The following MCCC2 variants were observed in gnomAD, a reference collection of about 807,000 sequenced individuals.
MCCC2 encodes methylcrotonoyl-CoA carboxylase beta chain, mitochondrial.
Under a neutral mutation model 77.2 loss-of-function variants are expected in MCCC2, and 52 were observed. The observed-to-expected ratio is 0.67, with a 90% CI of 0.54 to 0.85. The LOEUF (loss-of-function observed/expected upper bound fraction) is 0.85. Among genes scored for constraint, MCCC2 ranks in the 40% least tolerant of loss-of-function variants. The pLI is 0.00. For synonymous variants in MCCC2, 253 were observed against 248.4 expected (o/e 1.02, Z -0.18); for missense variants, 682 against 703.2 (o/e 0.97, Z 0.34).
intron 6 of MCCC2, among the ~76,000 whole-genome samples, chr5:71,622,424 A>T (rs557072087): frequency 3.9e-5 from 6 of 152,248 alleles, no homozygotes; most frequent in African/African-American, 1.2e-4. Flanking sequence ...CATTAAAAAA[A>T]TTTTTTTACA....
intron 3 of MCCC2, among the ~76,000 whole-genome samples, chr5:71,598,323 C>T (rs1011702594): frequency 2.0e-5 from 3 of 152,030 alleles, no homozygotes; most frequent in African/African-American, 7.2e-5. Flanking sequence ...CCCACCTTGG[C>T]CTCCCAAAGT....
intron 10 of MCCC2, chr5:71,635,846 G>C (rs1264875961): frequency 6.1e-6 from 1 of 162,770 alleles, no homozygotes; most frequent in Non-Finnish European, 1.3e-5. Flanking sequence ...TTCTGTACTG[G>C]AAGTTTTAAT....
intron 6 of MCCC2, among the ~76,000 whole-genome samples, chr5:71,605,643 A>T (rs932493157): frequency 6.6e-6 from 1 of 150,972 alleles, no homozygotes; most frequent in Non-Finnish European, 1.5e-5. Context: ...TCGGACATGA[A>T]GTCCTTGCCC....
intron 6 of MCCC2, among the ~76,000 whole-genome samples, chr5:71,620,618 T>C (rs1746319272): frequency 6.6e-6 from 1 of 152,162 alleles, no homozygotes; most frequent in East Asian, 1.9e-4. Context: ...TGTAATTTGC[T>C]TTTGGTGCAA....
chr5:71,632,322 T>A (rs888037786), intron 8 of MCCC2, 137 bp downstream of exon 8: 4 of 817,676 alleles, frequency 4.9e-6, no homozygotes, highest in African/African-American at 3.4e-5. Context: ...ATCTGCTGGT[T>A]TAATGTTCAA....
intron 8 of MCCC2, among the ~76,000 whole-genome samples, chr5:71,632,532 C>G (rs1321049617): frequency 6.6e-6 from 1 of 152,082 alleles, no homozygotes; most frequent in African/African-American, 2.4e-5. Flanking sequence ...TGGGCAATTG[C>G]AAGTAATTGC....
At chr5:71,615,040 C>A (rs1417639277) in intron 6 of MCCC2, among the ~76,000 whole-genome samples, 1 of 152,010 alleles carries the variant, frequency 6.6e-6, no homozygotes, top group Non-Finnish European at 1.5e-5. Context: ...GATCTCGGCT[C>A]ACTGCAACCT....
rs574888505 is a variant in MCCC2 at position 71,599,852 on chromosome 5, C to T, written c.383+92C>T. On this transcript the variant is annotated intron_variant, in intron 4 of 16. Coordinates refer to ENST00000340941, the MANE Select transcript of MCCC2 (RefSeq NM_022132.5). The stretch of plus-strand genomic sequence containing the variant: ...AGCACTCACTTTGCATATTAGCATG[C>T]GATTTGTATGCTATTTATATTATGT... The T allele has an allele frequency of 2.7e-4, 267 of 985,454 alleles. 2 individuals are homozygous for T. In the African/African-American group the frequency reaches 2.8e-3, roughly 11 times the overall value. The allele number at this position is 985,454 out of a possible 1,614,324, so 61.0% of individuals were successfully genotyped here.
chr5:71,620,935 CAG>C (rs1333324970), intron 6 of MCCC2, among the ~76,000 whole-genome samples: 5 of 152,178 alleles, frequency 3.3e-5, no homozygotes, highest in Non-Finnish European at 1.5e-5. Flanking sequence ...GGTAGTCTCT[CAG>C]TGGAGTTCTT....
chr5:71,655,391 C>T (rs576872676), intron 16 of MCCC2, among the ~76,000 whole-genome samples: 8 of 152,308 alleles, frequency 5.3e-5, no homozygotes, highest in African/African-American at 1.9e-4. Flanking sequence ...ACATATGTAG[C>T]GTGCCAATTT....
At chr5:71,640,705 G>T (rs971052531) in intron 10 of MCCC2, among the ~76,000 whole-genome samples, 1 of 152,118 alleles carries the variant, frequency 6.6e-6, no homozygotes, top group Non-Finnish European at 1.5e-5. Flanking sequence ...ACCTCTGCCG[G>T]TACATTCGAA....
At chr5:71,653,778 G>T (rs1000803033) in intron 16 of MCCC2, among the ~76,000 whole-genome samples, 1 of 151,488 alleles carries the variant, frequency 6.6e-6, no homozygotes, top group African/African-American at 2.4e-5. Flanking sequence ...TTGAACCTGG[G>T]AGGTCAAGGC....
At position 71,587,569 on chromosome 5, in the gene MCCC2, C is replaced by A; in HGVS notation, c.129+15C>A. The stretch of plus-strand genomic sequence containing the variant: ...CCCTCTACCAGGTAGGCTGAGCGCC[C>A]CGGTGGCCTGGCCGCCGGTGCCAGG... On this transcript the variant is annotated intron_variant, in intron 1 of 16. Transcript: ENST00000340941. 6.5e-7 allele frequency: 1 copy of A among 1,531,760 alleles called. No homozygotes were observed. The highest frequency in any genetic ancestry group is 8.8e-7 in the Non-Finnish European group (1 of 1,142,006). The allele number at this position is 1,531,760 out of a possible 1,614,324, so 94.9% of individuals were successfully genotyped here.
At chr5:71,631,980 A>G (rs1035835668) in intron 7 of MCCC2, 141 bp from the exon 8 acceptor site, 1 of 787,636 alleles carries the variant, frequency 1.3e-6, no homozygotes, top group African/African-American at 1.7e-5. Context: ...TCCTAGGTGC[A>G]TGAATGAGAA....
At chr5:71,645,531 A>G (rs1186967199) in intron 12 of MCCC2, among the ~76,000 whole-genome samples, 1 of 152,334 alleles carries the variant, frequency 6.6e-6, no homozygotes, top group East Asian at 1.9e-4. Context: ...TGATATATTT[A>G]CTATAATCCT....
chr5:71,598,329 A>G (rs1453119622), intron 3 of MCCC2, among the ~76,000 whole-genome samples: 2 of 152,060 alleles, frequency 1.3e-5, no homozygotes, highest in East Asian at 1.9e-4. Flanking sequence ...TTGGCCTCCC[A>G]AAGTGCCGGG....
At position 71,602,597 on chromosome 5, in the gene MCCC2, A is replaced by G; in HGVS notation, c.475A>G (p.Ile159Val). Reference sequence around the variant, plus strand: ...GAAAAAACAATTACGGGCCCAAGAAATTGCCATGCAAAACAGGCTCCCCTG... The same window carrying G: ...GAAAAAACAATTACGGGCCCAAGAAGTTGCCATGCAAAACAGGCTCCCCTG... ...TVKKQLRAQEIAMQNRLPCIY... is the reference protein window; with the variant it reads ...TVKKQLRAQEVAMQNRLPCIY... The change falls in exon 5 of 17, where the codon ATT becomes GTT. Residue 159 changes from isoleucine to valine, a missense_variant. Coordinates refer to ENST00000340941, the MANE Select transcript of MCCC2 (RefSeq NM_022132.5). 6.2e-7 allele frequency: 1 copy of G among 1,614,162 alleles called. No homozygotes were observed. The highest frequency in any genetic ancestry group is 8.5e-7 in the Non-Finnish European group (1 of 1,180,024).
At chr5:71,609,978 A>C (rs905370381) in intron 6 of MCCC2, among the ~76,000 whole-genome samples, 1 of 152,200 alleles carries the variant, frequency 6.6e-6, no homozygotes, top group Non-Finnish European at 1.5e-5. Context: ...CAAAGCTGTC[A>C]GACAGGGACA....
chr5:71,596,825 A>G lies in MCCC2; in HGVS notation c.281+461A>G, dbSNP rs535564657. Among the ~76,000 whole-genome samples the G allele has an allele frequency of 8.5e-5, 13 of 152,190 alleles. 1 individual carries two copies. The highest frequency in any genetic ancestry group is 3.1e-4 in the African/African-American group (13 of 41,532). On this transcript the variant is annotated intron_variant, in intron 3 of 16. Coordinates refer to ENST00000340941, the MANE Select transcript of MCCC2 (RefSeq NM_022132.5). ...CATGGTGGCATGTGCTTGTAGTCCCAGCTACTCGGGAGGCTGAGGCAGGAG... is the reference window on the plus strand; with the variant it reads ...CATGGTGGCATGTGCTTGTAGTCCCGGCTACTCGGGAGGCTGAGGCAGGAG...
Sources: allele counts gnomAD v4.1 joint callset (sites outside exome capture counted in the v4.1 genomes callset), GRCh38; gene constraint gnomAD v4.1.1; transcripts MANE v1.5; gene names NCBI Gene and HGNC (gene_info 2026-07-23, HGNC 2026-07-21).